The following ADGRG3 variants were observed in gnomAD, a reference collection of about 807,000 sequenced individuals.
ADGRG3 encodes the protein G protein-coupled receptor 97.
ADGRG3 carries 39 observed loss-of-function variants against 54.3 expected under a neutral mutation model. That is an observed-to-expected ratio of 0.72 (90% CI 0.56 to 0.94). ADGRG3 has a LOEUF of 0.94. ADGRG3 is among the 40% of genes least tolerant of loss of function. ADGRG3 has a pLI of 0.00. For missense variants in ADGRG3, 654 were observed against 694.6 expected (o/e 0.94, Z 0.66); for synonymous variants, 312 against 290.0 (o/e 1.08, Z -0.77).
Position 57,668,717 on chromosome 16 carries a change from G to A in ADGRG3, c.58+312G>A, listed in dbSNP as rs551890580. ...AACCTGGGCTGTGTCTCCCTGACAG[G>A]CCTGGCTCTGAGACAGGGGTTGGCC... is the stretch of plus-strand genomic sequence containing the variant. On this transcript the variant is annotated intron_variant, in intron 1 of 11. Coordinates refer to ENST00000333493, the MANE Select transcript of ADGRG3 (RefSeq NM_170776.5). Among the ~76,000 whole-genome samples, 119 of 152,326 alleles carry A rather than the reference G, an allele frequency of 7.8e-4. 1 individual carries two copies. Among genetic ancestry groups the A allele is most frequent in the African/African-American group, 2.8e-3 (117 of 41,574 alleles).
chr16:57,674,558 G>A (rs1386397717), intron 2 of ADGRG3: 1 of 455,256 alleles, frequency 2.2e-6, no homozygotes, highest in South Asian at 1.6e-5. Flanking sequence ...TTATTTCAGT[G>A]GCCTGAAAAG....
At chr16:57,673,201 C>A in intron 1 of ADGRG3, 120 bp from the exon 2 acceptor site, 4 of 911,730 alleles carry the variant, frequency 4.4e-6, no homozygotes, top group East Asian at 2.4e-5. Flanking sequence ...TAGTGTGATG[C>A]ATGGAGCTGG....
intron 3 of ADGRG3, among the ~76,000 whole-genome samples, chr16:57,677,820 G>A (rs572941243): frequency 6.3e-4 from 96 of 152,260 alleles, no homozygotes; most frequent in African/African-American, 2.1e-3. Flanking sequence ...CAAGCCCTGT[G>A]TAAACACTGG....
upstream of ADGRG3, among the ~76,000 whole-genome samples, chr16:57,667,246 C>T (rs2048076628): frequency 6.6e-6 from 1 of 152,254 alleles, no homozygotes; most frequent in African/African-American, 2.4e-5. Flanking sequence ...CCAGTTCAAT[C>T]CCAAGGCTGA....
chr16:57,675,815 G>C (rs190797660), intron 2 of ADGRG3, among the ~76,000 whole-genome samples: 1 of 152,116 alleles, frequency 6.6e-6, no homozygotes, highest in African/African-American at 2.4e-5. Context: ...TGGGGGAAGG[G>C]GGAAGGGAGA....
rs376068078 is a variant in ADGRG3 at position 57,676,216 on chromosome 16, G to C, written c.223G>C (p.Glu75Gln). The change falls in exon 3 of 12, where the codon GAG (glutamate) becomes CAG (glutamine). Residue 75 changes from glutamate (E) to glutamine (Q), a missense_variant. Physicochemically the swap from Glu to Gln is conservative, Grantham distance 29 (BLOSUM62 2). Transcript: ENST00000333493. ...ENLQRYWLNY[E>Q]AHLMKEGLTQ... is the part of the protein sequence containing the mutation. Reference sequence around the variant, plus strand: ...CCTTTGCAGATACTGGCTAAACTACGAGGCCCATCTGATGAAGGAAGGTTT... The same window carrying C: ...CCTTTGCAGATACTGGCTAAACTACCAGGCCCATCTGATGAAGGAAGGTTT... The C allele has an allele frequency of 6.2e-7, 1 of 1,613,948 alleles. No individual in the cohort carries two copies. Among genetic ancestry groups the C allele is most frequent in the Non-Finnish European group, 8.5e-7 (1 of 1,179,954 alleles).
intron 9 of ADGRG3, 70 bp from the exon 10 acceptor site, chr16:57,684,320 C>G (rs2048431349): frequency 6.4e-7 from 1 of 1,562,098 alleles, no homozygotes. Flanking sequence ...GGATGGCCAT[C>G]TGGAGGGGAC....
chr16:57,666,752 G>T (rs1361383909), upstream of ADGRG3, among the ~76,000 whole-genome samples: 1 of 152,156 alleles, frequency 6.6e-6, no homozygotes, highest in Admixed American at 6.5e-5. Context: ...TTCCAGCCCT[G>T]CCTGACCTTC....
chr16:57,668,465 G>A (rs1352655573), intron 1 of ADGRG3, 60 bp downstream of exon 1: 2 of 1,442,516 alleles, frequency 1.4e-6, no homozygotes, highest in South Asian at 2.4e-5. Context: ...CCTGCCGAGG[G>A]AGGGATCCAG....
chr16:57,677,468 G>C (rs1460505761), intron 3 of ADGRG3, among the ~76,000 whole-genome samples: 1 of 152,180 alleles, frequency 6.6e-6, no homozygotes, highest in Non-Finnish European at 1.5e-5. Flanking sequence ...TGTAATCCCA[G>C]CTACTTGGGA....
In ADGRG3 at chr16:57,673,381, A is replaced by G. The variant is rs2048197734; in HGVS notation, c.119A>G (p.Asp40Gly). Residue 40 changes from aspartate to glycine, a missense_variant, in exon 2 of 12, where the codon GAC (aspartate) becomes GGC (glycine). Coordinates refer to ENST00000333493, the MANE Select transcript of ADGRG3 (RefSeq NM_170776.5). Reference protein sequence around the residue: ...NTCLGSNNMYDIFNLNDKALC... With the variant: ...NTCLGSNNMYGIFNLNDKALC... ...TGCCTGGGGAGCAACAACATGTACG[A>G]CATCTTCAACTTGAATGACAAGGCT... The G allele has an allele frequency of 1.9e-6, 3 of 1,613,934 alleles. No individual in the cohort carries two copies. The highest frequency in any genetic ancestry group is 2.5e-6 in the Non-Finnish European group (3 of 1,179,818).
intron 8 of ADGRG3, among the ~76,000 whole-genome samples, chr16:57,683,580 T>C (rs145723910): frequency 6.6e-5 from 10 of 152,346 alleles, no homozygotes; most frequent in Admixed American, 6.5e-4. Flanking sequence ...ACCGTGCTTC[T>C]ATTCTCTGCT....
intron 3 of ADGRG3, among the ~76,000 whole-genome samples, chr16:57,677,238 G>A (rs1597764228): frequency 6.6e-6 from 1 of 152,338 alleles, no homozygotes; most frequent in East Asian, 1.9e-4. Context: ...CAGGCCCTGG[G>A]TGGGTCAGGC....
At chr16:57,675,156 G>A (rs577110928) in intron 2 of ADGRG3, among the ~76,000 whole-genome samples, 2 of 151,850 alleles carry the variant, frequency 1.3e-5, no homozygotes, top group Non-Finnish European at 2.9e-5. Flanking sequence ...TCCATATGAT[G>A]AAATAGTATT....
intron 9 of ADGRG3, 39 bp downstream of exon 9, chr16:57,684,251 C>G: frequency 6.3e-7 from 1 of 1,595,172 alleles, no homozygotes; most frequent in South Asian, 1.1e-5. Context: ...ACGGCCGGCC[C>G]TGAGGGTGCA....
upstream of ADGRG3, among the ~76,000 whole-genome samples, chr16:57,666,557 G>A (rs8045257): frequency 0.5 from 76,284 of 152,030 alleles, 19,498 homozygotes; most frequent in Admixed American, 0.61. Context: ...CTCGCTGGAG[G>A]ACTTGAGGCC....
In ADGRG3 at chr16:57,673,338, G is replaced by A. The variant is rs956876949; in HGVS notation, c.76G>A (p.Glu26Lys). ...LPTSGQEKPT[E>K]GPRNTCLGSN... ...TTCCTTAGGTCAGGAAAAGCCCACC[G>A]AAGGGCCAAGAAACACCTGCCTGGG... is the stretch of plus-strand genomic sequence containing the variant. The change falls in exon 2 of 12, where the codon GAA becomes AAA. Residue 26 changes from glutamate (E) to lysine (K), a missense_variant. Transcript: ENST00000333493. 12 of 1,612,994 alleles carry A rather than the reference G, an allele frequency of 7.4e-6. No individual in the cohort carries two copies. In the Admixed American group the frequency reaches 1.0e-4, roughly 13 times the overall value.
chr16:57,679,134 G>A, intron 4 of ADGRG3, 43 bp from the exon 5 acceptor site: 1 of 1,610,142 alleles, frequency 6.2e-7, no homozygotes. Context: ...GGGTTGGGAT[G>A]GCCCCTTCTG....
chr16:57,673,089 A>G (rs761951453), intron 1 of ADGRG3, among the ~76,000 whole-genome samples: 18 of 152,158 alleles, frequency 1.2e-4, no homozygotes, highest in African/African-American at 3.6e-4. Context: ...CCTTTTGTAC[A>G]TGCTTTCCCC....
Sources: allele counts gnomAD v4.1 joint callset (sites outside exome capture counted in the v4.1 genomes callset), GRCh38; gene constraint gnomAD v4.1.1; transcripts MANE v1.5; gene names NCBI Gene and HGNC (gene_info 2026-07-23, HGNC 2026-07-21).